RPRD2: variants seen among roughly 807,000 people sequenced by gnomAD.
The protein encoded by RPRD2 is regulation of nuclear pre-mRNA domain-containing protein 2.
In RPRD2, 12 loss-of-function variants were observed where a neutral mutation model predicts 104.4. That is an observed-to-expected ratio of 0.11 (90% CI 0.07 to 0.19). RPRD2 has a LOEUF of 0.19. RPRD2 is among the 10% of genes least tolerant of loss of function. The pLI is 1.00. For missense variants in RPRD2, 1,543 were observed against 1,790.1 expected (o/e 0.86, Z 2.49); for synonymous variants, 714 against 684.9 (o/e 1.04, Z -0.66).
intron 6 of RPRD2, 86 bp downstream of exon 6, chr1:150,444,463 G>A (rs1666623646): frequency 7.3e-7 from 1 of 1,365,658 alleles, no homozygotes; most frequent in Non-Finnish European, 9.9e-7. Context: ...TACCTCATAA[G>A]GAGATCCTTG....
At chr1:150,446,086 A>AAAAT in intron 6 of RPRD2, 140 bp from the exon 7 acceptor site, 1 of 506,486 alleles carries the variant, frequency 2.0e-6, no homozygotes, top group Non-Finnish European at 3.3e-6. Context: ...AAAAAAAGAA[A>AAAAT]GAAACTAAGA....
rs761650220 is a variant in RPRD2 at position 150,473,016 on chromosome 1, C to A, written c.4068C>A (p.Asp1356Glu). ...PRDHGGPTQRDLNGPGLSRVR... is the reference protein window; with the variant it reads ...PRDHGGPTQRELNGPGLSRVR... ...ACCACGGGGGCCCCACCCAACGGGA[C>A]CTCAACGGCCCTGGCCTTAGCCGTG... Residue 1356 changes from aspartate (D) to glutamate (E), a missense_variant, in exon 11 of 11, where the codon GAC becomes GAA. Around this residue, in one of 4 missense-constraint regions of RPRD2, gnomAD observed 880 missense variants for 885.6 expected, o/e 0.99. Coordinates refer to ENST00000369068, the MANE Select transcript of RPRD2 (RefSeq NM_015203.5). The A allele has an allele frequency of 6.2e-7, 1 of 1,614,004 alleles. No individual in the cohort carries two copies. Among genetic ancestry groups the A allele is most frequent in the East Asian group, 2.2e-5 (1 of 44,876 alleles).
chr1:150,447,280 C>T (rs184262148), intron 7 of RPRD2, among the ~76,000 whole-genome samples: 51 of 151,356 alleles, frequency 3.4e-4, no homozygotes, highest in Admixed American at 1.6e-3. Flanking sequence ...AACCAGAAAA[C>T]TGGATGGAAA....
In RPRD2 at chr1:150,396,786, A is replaced by G. The variant is rs1382235672; in HGVS notation, c.206-20810A>G. 2.0e-5 allele frequency among the ~76,000 whole-genome samples: 3 copies of G among 152,132 alleles called. No individual in the cohort carries two copies. The East Asian group carries it at 5.8e-4, about 29-fold the overall frequency. ...TGGAGGCATCACATTACCTGATTTC[A>G]AACTATACTCTAAGGTCATAGTCAC... On this transcript the variant is annotated intron_variant, in intron 1 of 10. Coordinates refer to ENST00000369068, the MANE Select transcript of RPRD2 (RefSeq NM_015203.5).
intron 2 of RPRD2, among the ~76,000 whole-genome samples, chr1:150,429,423 C>T (rs1251579353): frequency 1.3e-5 from 2 of 151,948 alleles, no homozygotes; most frequent in African/African-American, 4.8e-5. Flanking sequence ...GGCACGATCA[C>T]GGCTCACTGC....
intron 3 of RPRD2, 152 bp downstream of exon 3, chr1:150,441,175 G>T (rs1468231331): frequency 3.7e-5 from 18 of 492,834 alleles, no homozygotes; most frequent in Non-Finnish European, 4.6e-5. Flanking sequence ...GAAAAATCTA[G>T]ATCTGTTTGA....
At chr1:150,433,926 C>T (rs1665823893) in intron 2 of RPRD2, among the ~76,000 whole-genome samples, 1 of 127,128 alleles carries the variant, frequency 7.9e-6, no homozygotes, top group Non-Finnish European at 1.7e-5. Flanking sequence ...AGTGTGTATA[C>T]ACACACACAC....
At chr1:150,384,209 A>G (rs1661366313) in intron 1 of RPRD2, among the ~76,000 whole-genome samples, 1 of 152,086 alleles carries the variant, frequency 6.6e-6, no homozygotes, top group Admixed American at 6.6e-5. Context: ...AAACTTTGGT[A>G]ATGTAAGAGT....
intron 2 of RPRD2, among the ~76,000 whole-genome samples, chr1:150,426,868 C>T (rs587733033): frequency 1.3e-5 from 2 of 152,306 alleles, no homozygotes; most frequent in East Asian, 1.9e-4. Flanking sequence ...TAAGATAGGC[C>T]GGGTGCTATG....
rs1453184671 is a variant in RPRD2 at position 150,461,288 on chromosome 1, A to T, written c.1411+971A>T. On this transcript the variant is annotated intron_variant, in intron 9 of 10. Transcript: ENST00000369068. The stretch of plus-strand genomic sequence containing the variant: ...TAAATATCTATAATCCTGTTACCCC[A>T]AAGGAAACCACTTGTGTTTACCCTT... Among the ~76,000 whole-genome samples the T allele has an allele frequency of 3.9e-5, 6 of 152,168 alleles. No homozygotes were observed. In the South Asian group the frequency reaches 1.0e-3, roughly 26 times the overall value.
intron 7 of RPRD2, among the ~76,000 whole-genome samples, chr1:150,451,254 T>C (rs74124688): frequency 0.014 from 2,193 of 152,328 alleles, 46 homozygotes; most frequent in African/African-American, 0.05. Context: ...TGTTTCGTCT[T>C]GTCAGATGGC....
At chr1:150,434,502 A>G (rs1445655227) in intron 2 of RPRD2, among the ~76,000 whole-genome samples, 1 of 152,148 alleles carries the variant, frequency 6.6e-6, no homozygotes, top group African/African-American at 2.4e-5. Context: ...ATACTAATGG[A>G]GTATTGTGTA....
chr1:150,368,214 T>TG (rs1221673579), intron 1 of RPRD2, among the ~76,000 whole-genome samples: 3 of 144,248 alleles, frequency 2.1e-5, no homozygotes, highest in Non-Finnish European at 3.1e-5. Context: ...TGTTTTTTTT[T>TG]TTTTTTTTTT....
At chr1:150,410,793 A>AAATT (rs1322548180) in intron 1 of RPRD2, among the ~76,000 whole-genome samples, 9 of 152,210 alleles carry the variant, frequency 5.9e-5, no homozygotes, top group African/African-American at 2.4e-5. Context: ...TGGGTGGCTT[A>AAATT]AACAAAGAAA....
chr1:150,365,887 C>T (rs1484308741), intron 1 of RPRD2, among the ~76,000 whole-genome samples: 1 of 152,158 alleles, frequency 6.6e-6, no homozygotes, highest in Non-Finnish European at 1.5e-5. Context: ...CCCCCGTGCC[C>T]GGCCCCGTTA....
chr1:150,464,560 C>T lies in RPRD2; in HGVS notation c.1445C>T (p.Thr482Met), dbSNP rs782630806. The change falls in exon 10 of 11, where the codon ACG becomes ATG. Residue 482 changes from threonine to methionine, a missense_variant. Thr to Met is a moderately conservative substitution (Grantham distance 81). Transcript: ENST00000369068. Reference protein sequence around the residue: ...VSPASRPSPGTPTSPSNLTSG... With the variant: ...VSPASRPSPGMPTSPSNLTSG... Reference sequence around the variant, plus strand: ...CCTGCATCAAGACCTTCTCCAGGAACGCCCACCAGCCCCAGCAACCTCACC... The same window carrying T: ...CCTGCATCAAGACCTTCTCCAGGAATGCCCACCAGCCCCAGCAACCTCACC... 7.5e-6 allele frequency: 12 copies of T among 1,604,154 alleles called. No individual in the cohort carries two copies. The highest frequency in any genetic ancestry group is 2.2e-5 in the East Asian group (1 of 44,506).
In RPRD2 at chr1:150,472,976, TCCCAGGA is replaced by T; in HGVS notation, c.4035_4041del (p.Pro1346ThrfsTer65). The T allele has an allele frequency of 6.2e-7, 1 of 1,613,940 alleles. No individual in the cohort carries two copies. Among genetic ancestry groups the T allele is most frequent in the South Asian group, 1.1e-5 (1 of 91,072 alleles). ...ACCCTGGCTGAGCATTTTGGGGTAC[TCCCAGGA>T]CCCAGGGACCACGGGGGCCCCACCC... On this transcript the variant is annotated frameshift_variant, in exon 11 of 11. Transcript: ENST00000369068. LOFTEE classifies it high-confidence loss of function.
At chr1:150,410,805 C>A (rs9651184) in intron 1 of RPRD2, among the ~76,000 whole-genome samples, 8 of 151,964 alleles carry the variant, frequency 5.3e-5, no homozygotes, top group African/African-American at 1.7e-4. Flanking sequence ...ACAAAGAAAT[C>A]GATTTTCTCA....
intron 10 of RPRD2, among the ~76,000 whole-genome samples, chr1:150,466,346 C>G (rs137948644): frequency 0.016 from 2,449 of 148,772 alleles, 73 homozygotes; most frequent in African/African-American, 0.055. Flanking sequence ...CCACTACACT[C>G]CAGCCTGGGC....
Sources: allele counts gnomAD v4.1 joint callset (sites outside exome capture counted in the v4.1 genomes callset), GRCh38; gene constraint gnomAD v4.1.1; regional missense constraint gnomAD v4.1.1; transcripts MANE v1.5; gene names NCBI Gene and HGNC (gene_info 2026-07-23, HGNC 2026-07-21).